The following ZNF804A variants were observed in gnomAD, a reference collection of about 807,000 sequenced individuals.
ZNF804A encodes the protein zinc finger protein 804A.
Under a neutral mutation model 16.5 loss-of-function variants are expected in ZNF804A, and 2 were observed. The observed-to-expected ratio is 0.12, with a 90% CI of 0.05 to 0.38. The LOEUF is 0.38. ZNF804A is among the 10% of genes least tolerant of loss of function. The pLI is 0.99. For missense variants in ZNF804A, 1,473 were observed against 1,390.7 expected, an observed-to-expected ratio of 1.06 and a Z score of -0.94; for synonymous variants, 534 against 489.6, an observed-to-expected ratio of 1.09 and a Z score of -1.20.
intron 1 of ZNF804A, among the ~76,000 whole-genome samples, chr2:184,770,283 C>T (rs904362097): frequency 2.0e-5 from 3 of 152,024 alleles, no homozygotes; most frequent in African/African-American, 4.8e-5. Context: ...CTTTTCCAAC[C>T]CAAACTGCCC....
chr2:184,633,622 T>C (rs1691646767), intron 1 of ZNF804A, among the ~76,000 whole-genome samples: 1 of 152,188 alleles, frequency 6.6e-6, no homozygotes, highest in Admixed American at 6.5e-5. Context: ...AAAGTTCCAC[T>C]TAACATCCTG....
intron 1 of ZNF804A, among the ~76,000 whole-genome samples, chr2:184,632,547 C>T (rs183600693): frequency 6.6e-6 from 1 of 152,132 alleles, no homozygotes; most frequent in Non-Finnish European, 1.5e-5. Context: ...AGGGGCGTGC[C>T]ACCACGCCTG....
chr2:184,846,843 G>C (rs1343357633), intron 1 of ZNF804A, among the ~76,000 whole-genome samples: 6 of 152,066 alleles, frequency 3.9e-5, no homozygotes, highest in African/African-American at 1.4e-4. Context: ...AAATAAAACA[G>C]ATGCCCCAAT....
At chr2:184,856,079 A>T (rs1029288235) in intron 1 of ZNF804A, among the ~76,000 whole-genome samples, 1 of 152,106 alleles carries the variant, frequency 6.6e-6, no homozygotes, top group Non-Finnish European at 1.5e-5. Context: ...GCTGTTGTTA[A>T]TAGTGCAGAA....
intron 1 of ZNF804A, among the ~76,000 whole-genome samples, chr2:184,632,982 C>T (rs375829632): frequency 3.3e-5 from 5 of 152,240 alleles, no homozygotes; most frequent in Non-Finnish European, 5.9e-5. Flanking sequence ...CATATCCAGA[C>T]GAAGTTTGAC....
intron 1 of ZNF804A, among the ~76,000 whole-genome samples, chr2:184,800,401 T>A (rs370321724): frequency 6.6e-6 from 1 of 151,790 alleles, no homozygotes; most frequent in African/African-American, 2.4e-5. Flanking sequence ...TTGATTTTAT[T>A]TACTTTTCTA....
At chr2:184,730,221 T>A (rs1254935239) in intron 1 of ZNF804A, among the ~76,000 whole-genome samples, 1 of 151,850 alleles carries the variant, frequency 6.6e-6, no homozygotes, top group African/African-American at 2.4e-5. Flanking sequence ...TTTAACAGTA[T>A]TTTTTTTAGA....
At chr2:184,663,083 A>G (rs550761977) in intron 1 of ZNF804A, among the ~76,000 whole-genome samples, 2 of 152,308 alleles carry the variant, frequency 1.3e-5, no homozygotes, top group South Asian at 4.1e-4. Flanking sequence ...GGCATGGCCA[A>G]GGCTGCATGC....
At chr2:184,706,016 T>C (rs1009648682) in intron 1 of ZNF804A, among the ~76,000 whole-genome samples, 1 of 152,168 alleles carries the variant, frequency 6.6e-6, no homozygotes, top group Non-Finnish European at 1.5e-5. Context: ...CACCTTTTGG[T>C]GACTATTCAC....
intron 1 of ZNF804A, among the ~76,000 whole-genome samples, chr2:184,753,785 T>A (rs1693912992): frequency 6.6e-6 from 1 of 151,854 alleles, no homozygotes; most frequent in Non-Finnish European, 1.5e-5. Flanking sequence ...ACAGGAGCCT[T>A]CATGAAGGAA....
At chr2:184,703,206 C>T (rs780540694) in intron 1 of ZNF804A, among the ~76,000 whole-genome samples, 6 of 152,072 alleles carry the variant, frequency 3.9e-5, no homozygotes, top group Non-Finnish European at 5.9e-5. Flanking sequence ...GTGTTATATA[C>T]GTATTTTCTC....
chr2:184,907,398 A>G (rs985806663), intron 2 of ZNF804A, among the ~76,000 whole-genome samples: 4 of 152,196 alleles, frequency 2.6e-5, no homozygotes, highest in Non-Finnish European at 4.4e-5. Flanking sequence ...ACAATTACAC[A>G]AAGCTTATTT....
chr2:184,783,244 G>C (rs1694400580), intron 1 of ZNF804A, among the ~76,000 whole-genome samples: 1 of 146,062 alleles, frequency 6.8e-6, no homozygotes, highest in Non-Finnish European at 1.5e-5. Flanking sequence ...ACAGCGGGTA[G>C]GCAACAGTAT....
At chr2:184,780,235 C>T (rs1028230317) in intron 1 of ZNF804A, among the ~76,000 whole-genome samples, 5 of 151,688 alleles carry the variant, frequency 3.3e-5, no homozygotes, top group Admixed American at 1.3e-4. Context: ...AGCCAAAAGG[C>T]ATGTTGATGT....
chr2:184,899,266 T>C (rs996374577), intron 2 of ZNF804A, among the ~76,000 whole-genome samples: 1 of 152,008 alleles, frequency 6.6e-6, no homozygotes, highest in Admixed American at 6.6e-5. Context: ...AATCTTGGCT[T>C]TAGTAGTTTT....
At chr2:184,606,306 C>T (rs1465036242) in intron 1 of ZNF804A, among the ~76,000 whole-genome samples, 1 of 152,142 alleles carries the variant, frequency 6.6e-6, no homozygotes, top group Admixed American at 6.5e-5. Flanking sequence ...GAGGGAGAAG[C>T]AAGGACCTTC....
At chr2:184,633,436 C>T (rs1691644202) in intron 1 of ZNF804A, among the ~76,000 whole-genome samples, 1 of 152,092 alleles carries the variant, frequency 6.6e-6, no homozygotes, top group Non-Finnish European at 1.5e-5. Flanking sequence ...CATTAAACCA[C>T]AACACTACAC....
chr2:184,696,026 C>T (rs576746766), intron 1 of ZNF804A, among the ~76,000 whole-genome samples: 1 of 152,006 alleles, frequency 6.6e-6, no homozygotes, highest in African/African-American at 2.4e-5. Flanking sequence ...TTATAATATC[C>T]ATTGCGTTGT....
chr2:184,880,579 A>G (rs1200015270), intron 2 of ZNF804A, among the ~76,000 whole-genome samples: 1 of 152,106 alleles, frequency 6.6e-6, no homozygotes, highest in African/African-American at 2.4e-5. Context: ...CTTAGTAATC[A>G]ATTATTCTGT....
Sources: gnomAD v4.1 joint callset for allele counts (sites outside exome capture counted in the v4.1 genomes callset) on GRCh38, gnomAD v4.1.1 for gene constraint, MANE v1.5 for transcripts, NCBI Gene and HGNC (gene_info 2026-07-23, HGNC 2026-07-21) for gene names.